The following FAM81A variants were observed in gnomAD, a reference collection of about 807,000 sequenced individuals.
FAM81A encodes the protein protein FAM81A.
In FAM81A, 19 loss-of-function variants were observed where a neutral mutation model predicts 46.7. That is an observed-to-expected ratio of 0.41 (90% CI 0.28 to 0.60). The LOEUF is 0.60. Among genes scored for constraint, FAM81A ranks in the 20% least tolerant of loss-of-function variants. The pLI, the probability that FAM81A is intolerant of heterozygous loss-of-function variation, is 0.34. For synonymous variants in FAM81A, 183 were observed against 152.9 expected, an observed-to-expected ratio of 1.20 and a Z score of -1.45; for missense variants, 377 against 453.5, an observed-to-expected ratio of 0.83 and a Z score of 1.53.
chr15:59,459,878 T>C, intron 2 of FAM81A, 55 bp from the exon 3 acceptor site: 1 of 1,487,156 alleles, frequency 6.7e-7, no homozygotes, highest in Non-Finnish European at 9.0e-7. Flanking sequence ...GTTTTGAATC[T>C]GGCTTTAAAC....
intron 2 of FAM81A, among the ~76,000 whole-genome samples, chr15:59,410,913 G>A (rs2081117621): frequency 6.6e-6 from 1 of 152,176 alleles, no homozygotes; most frequent in South Asian, 2.1e-4. Flanking sequence ...ACCACACCCA[G>A]CTAATTTTTG....
At chr15:59,402,011 GC>G in intron 1 of FAM81A, 1 of 621,720 alleles carries the variant, frequency 1.6e-6, no homozygotes, top group East Asian at 2.9e-5. Context: ...GCATGTTGAC[GC>G]CGCAGAGCTG....
chr15:59,451,994 G>A (rs2081424622), intron 1 of FAM81A, among the ~76,000 whole-genome samples: 1 of 152,212 alleles, frequency 6.6e-6, no homozygotes, highest in Admixed American at 6.5e-5. Context: ...AGGTCCTCAT[G>A]GAGCATGCAG....
At chr15:59,412,933 A>T (rs1405825391) in intron 2 of FAM81A, among the ~76,000 whole-genome samples, 1 of 152,168 alleles carries the variant, frequency 6.6e-6, no homozygotes, top group Non-Finnish European at 1.5e-5. Context: ...GGGGGAAAGA[A>T]ATCAATCAAA....
At chr15:59,509,074 A>G (rs143093619) in intron 6 of FAM81A, 105 bp downstream of exon 6, 1 of 846,894 alleles carries the variant, frequency 1.2e-6, no homozygotes. Flanking sequence ...ACAAATTGAA[A>G]ACAATAATGG....
chr15:59,409,243 G>C (rs1043154270), intron 2 of FAM81A, among the ~76,000 whole-genome samples: 83 of 152,068 alleles, frequency 5.5e-4, no homozygotes, highest in African/African-American at 2.0e-3. Flanking sequence ...GTGACACTGG[G>C]GCTCTCACTC....
At chr15:59,429,094 G>C (rs1164407685) in intron 2 of FAM81A, among the ~76,000 whole-genome samples, 1 of 152,124 alleles carries the variant, frequency 6.6e-6, no homozygotes, top group African/African-American at 2.4e-5. Flanking sequence ...TAGAATTCTT[G>C]AATGGAAATA....
intron 2 of FAM81A, among the ~76,000 whole-genome samples, chr15:59,417,361 A>T (rs2081150964): frequency 1.3e-5 from 2 of 151,636 alleles, no homozygotes; most frequent in Admixed American, 6.6e-5. Flanking sequence ...AACTTACTTT[A>T]TGATCAAAGT....
At chr15:59,402,755 T>C (rs1427092159) in intron 2 of FAM81A, among the ~76,000 whole-genome samples, 1 of 152,004 alleles carries the variant, frequency 6.6e-6, no homozygotes, top group African/African-American at 2.4e-5. Context: ...GGTTTCACCA[T>C]GTTAGCCAGG....
At chr15:59,402,706 A>AT (rs34870600) in intron 2 of FAM81A, among the ~76,000 whole-genome samples, 25,482 of 76,108 alleles carry the variant, frequency 0.33, 3,635 homozygotes, top group East Asian at 0.64. Context: ...AAGCCTGGAT[A>AT]TTTTTTTGGG....
At chr15:59,496,140 G>GT (rs2082030814) in intron 4 of FAM81A, among the ~76,000 whole-genome samples, 1 of 152,082 alleles carries the variant, frequency 6.6e-6, no homozygotes, top group South Asian at 2.1e-4. Context: ...AAGTTTTATA[G>GT]TTTCAGCTCT....
chr15:59,476,351 G>A (rs2081768042), intron 3 of FAM81A, among the ~76,000 whole-genome samples: 1 of 151,994 alleles, frequency 6.6e-6, no homozygotes, highest in African/African-American at 2.4e-5. Context: ...GTCTTCCGAA[G>A]TGCTGGGATT....
intron 1 of FAM81A, among the ~76,000 whole-genome samples, chr15:59,448,593 T>C (rs1288872309): frequency 6.6e-6 from 1 of 152,074 alleles, no homozygotes; most frequent in Non-Finnish European, 1.5e-5. Context: ...GTGGGTTTTT[T>C]TTTTCTTTTT....
chr15:59,454,780 C>T (rs1448558124), intron 1 of FAM81A, among the ~76,000 whole-genome samples: 7 of 152,018 alleles, frequency 4.6e-5, no homozygotes, highest in Admixed American at 3.3e-4. Context: ...TGCATGCCAC[C>T]ATGCCCAGCT....
chr15:59,437,167 C>T (rs566880109), upstream of FAM81A, among the ~76,000 whole-genome samples: 2 of 152,180 alleles, frequency 1.3e-5, no homozygotes, highest in Non-Finnish European at 2.9e-5. Context: ...AATAATAATG[C>T]TGCCGGAGAG....
At chr15:59,484,762 G>C (rs1295534516) in intron 3 of FAM81A, among the ~76,000 whole-genome samples, 2 of 152,158 alleles carry the variant, frequency 1.3e-5, no homozygotes, top group Non-Finnish European at 2.9e-5. Flanking sequence ...AGGGGACTTT[G>C]TCTTTAGCTT....
intron 2 of FAM81A, among the ~76,000 whole-genome samples, chr15:59,422,415 G>A (rs1276069111): frequency 2.0e-5 from 3 of 151,776 alleles, no homozygotes; most frequent in African/African-American, 7.3e-5. Context: ...AAAACAAAGT[G>A]TTCTATTCAG....
chr15:59,510,368 CAAAA>C (rs34095489), intron 6 of FAM81A, among the ~76,000 whole-genome samples: 2 of 106,490 alleles, frequency 1.9e-5, no homozygotes, highest in Admixed American at 9.4e-5. Context: ...GACTCTGTCT[CAAAA>C]AAAAAAAAAA....
At chr15:59,498,614 G>A (rs1196226628) in intron 4 of FAM81A, among the ~76,000 whole-genome samples, 1 of 152,146 alleles carries the variant, frequency 6.6e-6, no homozygotes, top group Non-Finnish European at 1.5e-5. Context: ...TTAGGAGAAA[G>A]CATCCATACT....
Sources: allele counts gnomAD v4.1 joint callset (sites outside exome capture counted in the v4.1 genomes callset), GRCh38; gene constraint gnomAD v4.1.1; transcripts MANE v1.5; gene names NCBI Gene and HGNC (gene_info 2026-07-23, HGNC 2026-07-21).